Variants in CYTH1 observed in about 807,000 individuals in gnomAD.
CYTH1 encodes the protein cytohesin-1.
A neutral mutation model predicts 61.8 loss-of-function variants in CYTH1; 18 were observed. The observed-to-expected ratio is 0.29, with a 90% CI of 0.20 to 0.43. The LOEUF (loss-of-function observed/expected upper bound fraction) is 0.43. Ranked by LOEUF, CYTH1 falls within the 20% of genes least tolerant of loss-of-function variation. The pLI is 1.00. For missense variants in CYTH1, 336 were observed against 510.5 expected (o/e 0.66, Z 3.29); for synonymous variants, 174 against 184.3 (o/e 0.94, Z 0.45).
intron 1 of CYTH1, among the ~76,000 whole-genome samples, chr17:78,722,125 G>A (rs1214488992): frequency 1.3e-5 from 2 of 152,144 alleles, no homozygotes; most frequent in Non-Finnish European, 2.9e-5. Context: ...GCATTTCAAG[G>A]TAGTAACAGA....
At chr17:78,777,712 C>T (rs528092466) in intron 1 of CYTH1, among the ~76,000 whole-genome samples, 4 of 151,598 alleles carry the variant, frequency 2.6e-5, no homozygotes, top group South Asian at 2.1e-4. Context: ...TAAAGCCGGG[C>T]GCGGTGGCTC....
At chr17:78,746,799 G>T (rs1341287291) in intron 1 of CYTH1, among the ~76,000 whole-genome samples, 1 of 151,958 alleles carries the variant, frequency 6.6e-6, no homozygotes, top group Admixed American at 6.6e-5. Flanking sequence ...AAAATTAGCT[G>T]GCTGTGGTGG....
At chr17:78,760,964 T>C (rs1159725089) in intron 1 of CYTH1, among the ~76,000 whole-genome samples, 1 of 151,982 alleles carries the variant, frequency 6.6e-6, no homozygotes, top group Admixed American at 6.6e-5. Flanking sequence ...GCCTCCTGAG[T>C]AGCTGGGACT....
At chr17:78,699,410 C>T (rs2092984327) in intron 7 of CYTH1, among the ~76,000 whole-genome samples, 1 of 151,518 alleles carries the variant, frequency 6.6e-6, no homozygotes, top group Non-Finnish European at 1.5e-5. Context: ...GATGAATCCA[C>T]ATGTACGGGT....
rs2092699814 is a variant in CYTH1, at chr17:78,676,416, A to G, written c.1119-247T>C. ...TTGGGGTTTTTACCTGTTTCAACATAATAATCAATTCACATTTAGGAACAG... is the reference window on the plus strand; with the variant it reads ...TTGGGGTTTTTACCTGTTTCAACATGATAATCAATTCACATTTAGGAACAG... On this transcript the variant is annotated intron_variant, in intron 13 of 13. Coordinates refer to ENST00000446868, the MANE Select transcript of CYTH1 (RefSeq NM_004762.6). The G allele has an allele frequency of 6.4e-5, 34 of 527,662 alleles. No homozygotes were observed. In the East Asian group the frequency reaches 1.1e-3, roughly 17 times the overall value. 32.7% of individuals were successfully genotyped at this position (527,662 alleles called of 1,614,324 possible).
At chr17:78,713,614 C>T (rs564342794) in intron 1 of CYTH1, among the ~76,000 whole-genome samples, 1 of 149,754 alleles carries the variant, frequency 6.7e-6, no homozygotes, top group African/African-American at 2.5e-5. Context: ...AACTCTAAAT[C>T]GTTGCTTTCT....
intron 1 of CYTH1, among the ~76,000 whole-genome samples, chr17:78,734,432 C>CTTT (rs10557033): frequency 3.5e-4 from 22 of 62,702 alleles, no homozygotes; most frequent in Admixed American, 7.2e-4. Context: ...TAAAAAAAAG[C>CTTT]TTTTTTTTTT....
intron 10 of CYTH1, among the ~76,000 whole-genome samples, chr17:78,694,871 G>A (rs1162358227): frequency 1.3e-5 from 2 of 152,078 alleles, no homozygotes; most frequent in Non-Finnish European, 2.9e-5. Flanking sequence ...CATCACTGTG[G>A]GCCCACGGGG....
At position 78,760,547 on chromosome 17, in the gene CYTH1, A is replaced by ATATATATATATACATACATATATATG. The variant is rs1567879780; in HGVS notation, c.22+21654_22+21655insCATATATATGTATGTATATATATATA. Among the ~76,000 whole-genome samples the ATATATATATATACATACATATATATG allele has an allele frequency of 3.0e-4, 13 of 42,844 alleles. 1 individual carries two copies. The highest frequency in any genetic ancestry group is 9.7e-4 in the African/African-American group (11 of 11,316). 28.1% of individuals were successfully genotyped at this position (42,844 alleles called of 152,430 possible). A position where few individuals can be genotyped will look rare whatever the true frequency, so the allele number is the denominator to read the frequency against. ...TATATATATACATACATATATATGTATATATATATGTATATATATATACAC... is the reference window on the plus strand; with the variant it reads ...TATATATATACATACATATATATGTATATATATATATACATACATATATATGTATATATATGTATATATATATACAC... On this transcript the variant is annotated intron_variant, in intron 1 of 13. Coordinates refer to ENST00000446868, the MANE Select transcript of CYTH1 (RefSeq NM_004762.6).
chr17:78,687,421 G>T (rs1205524265), intron 11 of CYTH1, among the ~76,000 whole-genome samples: 1 of 152,208 alleles, frequency 6.6e-6, no homozygotes, highest in Non-Finnish European at 1.5e-5. Flanking sequence ...ATTTGAAGTT[G>T]TCTCAAACGT....
intron 1 of CYTH1, among the ~76,000 whole-genome samples, chr17:78,735,180 C>A (rs914638955): frequency 1.3e-5 from 2 of 152,156 alleles, no homozygotes; most frequent in Admixed American, 6.5e-5. Flanking sequence ...CCTCTAAGCT[C>A]CCGGCCCCTA....
At chr17:78,722,358 G>A (rs191754067) in intron 1 of CYTH1, among the ~76,000 whole-genome samples, 11 of 152,286 alleles carry the variant, frequency 7.2e-5, no homozygotes, top group African/African-American at 4.8e-5. Context: ...GGGACTGGGC[G>A]CAGAGCTCCA....
intron 1 of CYTH1, among the ~76,000 whole-genome samples, chr17:78,729,561 C>T (rs1292048491): frequency 2.0e-5 from 3 of 152,084 alleles, no homozygotes; most frequent in African/African-American, 4.8e-5. Context: ...ACTGGTACAA[C>T]CTTTTGGCAC....
chr17:78,761,005 T>G (rs1267006855), intron 1 of CYTH1, among the ~76,000 whole-genome samples: 6 of 152,066 alleles, frequency 3.9e-5, no homozygotes, highest in Non-Finnish European at 7.4e-5. Flanking sequence ...CCGGCTAATT[T>G]TTGTATTTTT....
intron 11 of CYTH1, among the ~76,000 whole-genome samples, chr17:78,690,393 CAAAAAAAAAAAAAAAAAAAAAA>C (rs60663636): frequency 1.4e-3 from 40 of 28,314 alleles, no homozygotes; most frequent in Non-Finnish European, 1.8e-3. Context: ...GACTCCATCT[CAAAAAAAAAAAAAAAAAAAAAA>C]AAAAAAAAAA....
intron 1 of CYTH1, among the ~76,000 whole-genome samples, chr17:78,741,289 C>A (rs1364958123): frequency 6.6e-6 from 1 of 152,090 alleles, no homozygotes; most frequent in Admixed American, 6.6e-5. Context: ...AATCCCAGCA[C>A]TTTGGGAGGC....
At chr17:78,756,718 A>G (rs2144692997) in intron 1 of CYTH1, among the ~76,000 whole-genome samples, 1 of 152,290 alleles carries the variant, frequency 6.6e-6, no homozygotes, top group African/African-American at 2.4e-5. Context: ...GTCTATTAGA[A>G]AATACCACTG....
intron 1 of CYTH1, among the ~76,000 whole-genome samples, chr17:78,772,959 A>G (rs1296377277): frequency 6.6e-6 from 1 of 152,124 alleles, no homozygotes; most frequent in South Asian, 2.1e-4. Context: ...CCTCTTGAGT[A>G]GCTGGGATCA....
At chr17:78,695,860 C>A in intron 10 of CYTH1, 147 bp downstream of exon 10, 1 of 1,211,676 alleles carries the variant, frequency 8.3e-7, no homozygotes, top group East Asian at 5.4e-5. Context: ...TGACCAGTTC[C>A]CTAGGGACTG....
Sources: gnomAD v4.1 joint callset for allele counts (sites outside exome capture counted in the v4.1 genomes callset) on GRCh38, gnomAD v4.1.1 for gene constraint, MANE v1.5 for transcripts, NCBI Gene and HGNC (gene_info 2026-07-23, HGNC 2026-07-21) for gene names.